The following TTLL10 variants were observed in gnomAD, a reference collection of about 807,000 sequenced individuals.
The protein encoded by TTLL10 is inactive polyglycylase TTLL10.
A neutral mutation model predicts 69.0 loss-of-function variants in TTLL10; 61 were observed. The ratio of observed to expected loss-of-function variants is 0.88; its 90% CI spans 0.72 to 1.09. TTLL10 has a LOEUF of 1.09. Ranked by LOEUF, TTLL10 falls within the 50% of genes least tolerant of loss-of-function variation. The pLI, the probability that TTLL10 is intolerant of heterozygous loss-of-function variation, is 0.00. For synonymous variants in TTLL10, 408 were observed against 393.3 expected (o/e 1.04, Z -0.44); for missense variants, 962 against 945.9 (o/e 1.02, Z -0.22).
intron 12 of TTLL10, among the ~76,000 whole-genome samples, chr1:1,184,559 G>A (rs1227324970): frequency 6.6e-6 from 1 of 152,216 alleles, no homozygotes; most frequent in Non-Finnish European, 1.5e-5. Context: ...GGTCTCAGCG[G>A]ATGAAGGTTT....
Position 1,197,471 on chromosome 1 carries a change from G to A in TTLL10, c.1646G>A (p.Arg549His), listed in dbSNP as rs1034573284. 49 of 1,544,912 alleles carry A rather than the reference G, an allele frequency of 3.2e-5. No individual in the cohort carries two copies. In the Middle Eastern group the frequency reaches 6.7e-4, roughly 21 times the overall value. ...LVLETFRKSL[R>H]GQKMLPLLSQ... ...CTCGAGACCTTCCGGAAGAGCCTGC[G>A]CGGCCAGAAGATGTTGCCTCTGCTG... is the stretch of plus-strand genomic sequence containing the variant. Residue 549 changes from arginine (R) to histidine (H), a missense_variant, in exon 16 of 16, where the codon CGC (arginine) becomes CAC (histidine). Transcript: ENST00000379289.
rs1164656919 is a variant in TTLL10 at position 1,181,857 on chromosome 1, T to G, written c.830+42T>G. On this transcript the variant is annotated intron_variant, in intron 9 of 15. Transcript: ENST00000379289. This position sits in a 1 kb window ranked among gnomAD's most constrained non-coding sequence, Gnocchi z 4.6. ...TGTGAGGGGCCCTTCAGACCGAAGT[T>G]CAGACCTAAACCTGGTGTCGTCTGA... The G allele has an allele frequency of 6.4e-7, 1 of 1,552,184 alleles. No individual in the cohort carries two copies. Among genetic ancestry groups the G allele is most frequent in the Non-Finnish European group, 8.8e-7 (1 of 1,140,256 alleles).
chr1:1,197,544 G>T lies in TTLL10; in HGVS notation c.1719G>T (p.Arg573=), dbSNP rs1278192208. The T allele has an allele frequency of 1.3e-6, 2 of 1,525,212 alleles. No homozygotes were observed. The highest frequency in any genetic ancestry group is 8.8e-7 in the Non-Finnish European group (1 of 1,140,478). The allele number at this position is 1,525,212 out of a possible 1,614,324, so 94.5% of individuals were successfully genotyped here. A position where few individuals can be genotyped will look rare whatever the true frequency, so the allele number is the denominator to read the frequency against. The stretch of plus-strand genomic sequence containing the variant: ...TGCACAACGGTGAGGCCGACCCGCG[G>T]CCGCACCTGGGGGGCTCGTGCAGCC... The part of the protein sequence containing the change: ...VLLHNGEADP[R]PHLGGSCSLR... Residue 573 remains arginine (R), a synonymous_variant, in exon 16 of 16, where the codon CGG becomes CGT. Transcript: ENST00000379289.
Position 1,197,476 on chromosome 1 carries a change from CAGA to C in TTLL10, c.1655_1657del (p.Lys552del), listed in dbSNP as rs1648312785. 2.6e-6 allele frequency: 4 copies of C among 1,546,038 alleles called. No individual in the cohort carries two copies. Among genetic ancestry groups the C allele is most frequent in the Non-Finnish European group, 3.5e-6 (4 of 1,145,918 alleles). ...GACCTTCCGGAAGAGCCTGCGCGGCCAGAAGATGTTGCCTCTGCTGTCCCAGCG... is the reference window on the plus strand; with the variant it reads ...GACCTTCCGGAAGAGCCTGCGCGGCCAGATGTTGCCTCTGCTGTCCCAGCG... On this transcript the variant is annotated inframe_deletion, in exon 16 of 16. Coordinates refer to ENST00000379289, the MANE Select transcript of TTLL10 (RefSeq NM_001130045.2).
chr1:1,184,450 G>A (rs1462949142), intron 12 of TTLL10, among the ~76,000 whole-genome samples: 1 of 152,246 alleles, frequency 6.6e-6, no homozygotes, highest in Non-Finnish European at 1.5e-5. Flanking sequence ...GTCAGAGGAG[G>A]GGCCCTGTGG....
At chr1:1,195,109 G>C (rs918519687) in intron 13 of TTLL10, among the ~76,000 whole-genome samples, 5 of 152,088 alleles carry the variant, frequency 3.3e-5, no homozygotes, top group Non-Finnish European at 7.4e-5. Flanking sequence ...CGGCCTACCA[G>C]CCTCCCAAGT....
At position 1,185,536 on chromosome 1, in the gene TTLL10, T is replaced by C. The variant is rs1372430392; in HGVS notation, c.1401+427T>C. ...CCGGACTCTCCCTAGCTAAGGGCCA[T>C]GTGCGGTGGAGTGTCCTAATTTTGC... On this transcript the variant is annotated intron_variant, in intron 13 of 15. Transcript: ENST00000379289. This position sits in a 1 kb window ranked among gnomAD's most constrained non-coding sequence, Gnocchi z 6.1. The C allele has an allele frequency of 7.9e-6, 8 of 1,014,660 alleles. No homozygotes were observed. The highest frequency in any genetic ancestry group is 8.2e-6 in the Non-Finnish European group (7 of 849,834). 62.9% of individuals were successfully genotyped at this position (1,014,660 alleles called of 1,614,324 possible). A position where few individuals can be genotyped will look rare whatever the true frequency, so the allele number is the denominator to read the frequency against.
At position 1,180,349 on chromosome 1, in the gene TTLL10, C is replaced by A. The variant is rs748051923; in HGVS notation, c.506+9C>A. On this transcript the variant is annotated intron_variant, in intron 6 of 15. Coordinates refer to ENST00000379289, the MANE Select transcript of TTLL10 (RefSeq NM_001130045.2). The stretch of plus-strand genomic sequence containing the variant: ...AGCAACGGGGCCACAATGTGAGTAG[C>A]GGCCCTGGGCGCCCGTGGTCCCACT... 2 of 1,552,926 alleles carry A rather than the reference C, an allele frequency of 1.3e-6. No homozygotes were observed. The highest frequency in any genetic ancestry group is 8.7e-7 in the Non-Finnish European group (1 of 1,148,610).
Position 1,183,143 on chromosome 1 carries a change from T to G in TTLL10, c.1088+96T>G. 4.2e-6 allele frequency: 6 copies of G among 1,418,442 alleles called. No homozygotes were observed. In the South Asian group the frequency reaches 8.6e-5, roughly 20 times the overall value. The allele number at this position is 1,418,442 out of a possible 1,614,324, so 87.9% of individuals were successfully genotyped here. On this transcript the variant is annotated intron_variant, in intron 11 of 15. Coordinates refer to ENST00000379289, the MANE Select transcript of TTLL10 (RefSeq NM_001130045.2). ...AGGGCCGCCGAGGAGCCCTTGGTCG[T>G]GGAAAGCAGCCGCACCACCAGCCCC...
chr1:1,185,634 G>C lies in TTLL10; in HGVS notation c.1401+525G>C. The C allele has an allele frequency of 2.0e-6, 2 of 985,804 alleles. No individual in the cohort carries two copies. Among genetic ancestry groups the C allele is most frequent in the Non-Finnish European group, 2.4e-6 (2 of 830,266 alleles). The allele number at this position is 985,804 out of a possible 1,614,324, so 61.1% of individuals were successfully genotyped here. A position where few individuals can be genotyped will look rare whatever the true frequency, so the allele number is the denominator to read the frequency against. ...AGCAGCAAAGGCCCTTGAGCAGCGCGGTGTGAAACTGGGATAAAAACGGGG... is the reference window on the plus strand; with the variant it reads ...AGCAGCAAAGGCCCTTGAGCAGCGCCGTGTGAAACTGGGATAAAAACGGGG... On this transcript the variant is annotated intron_variant, in intron 13 of 15. Transcript: ENST00000379289. The surrounding 1 kb of genome is among the most constrained non-coding windows in gnomAD (Gnocchi z 6.1).
chr1:1,181,909 A>C lies in TTLL10; in HGVS notation c.830+94A>C. 2.4e-6 allele frequency: 3 copies of C among 1,239,468 alleles called. No homozygotes were observed. The highest frequency in any genetic ancestry group is 3.4e-6 in the Non-Finnish European group (3 of 876,856). The allele number at this position is 1,239,468 out of a possible 1,614,324, so 76.8% of individuals were successfully genotyped here. ...AAGGAGAAAGCGGGGCGGGGGTCCC[A>C]CACAAAGGAAAACCACGAGCTAGAG... is the stretch of plus-strand genomic sequence containing the variant. On this transcript the variant is annotated intron_variant, in intron 9 of 15. Coordinates refer to ENST00000379289, the MANE Select transcript of TTLL10 (RefSeq NM_001130045.2). The surrounding 1 kb of genome is among the most constrained non-coding windows in gnomAD (Gnocchi z 4.6).
chr1:1,186,451 G>T (rs1303162735), intron 13 of TTLL10, among the ~76,000 whole-genome samples: 2 of 137,302 alleles, frequency 1.5e-5, no homozygotes, highest in East Asian at 8.6e-4. Flanking sequence ...TCAGCTGGTG[G>T]ACACAGTTTT....
Position 1,180,141 on chromosome 1 carries a change from G to A in TTLL10, c.307G>A (p.Gly103Arg), listed in dbSNP as rs539820878. 1.9e-6 allele frequency: 3 copies of A among 1,611,224 alleles called. No individual in the cohort carries two copies. Among genetic ancestry groups the A allele is most frequent in the Non-Finnish European group, 2.5e-6 (3 of 1,179,398 alleles). ...ADGHCGPDLE[G>R]AERASATPGP... ...TGGACACTGTGGGCCGGACCTGGAG[G>A]GGGCAGAAAGAGCCTCTGCCACACC... is the stretch of plus-strand genomic sequence containing the variant. Residue 103 changes from glycine to arginine, a missense_variant, in exon 6 of 16, where the codon GGG (glycine) becomes AGG (arginine). By Grantham distance (125) the Gly-to-Arg change is moderately radical. Coordinates refer to ENST00000379289, the MANE Select transcript of TTLL10 (RefSeq NM_001130045.2).
chr1:1,186,091 TC>T (rs143967762), intron 13 of TTLL10, among the ~76,000 whole-genome samples: 1 of 144,112 alleles, frequency 6.9e-6, no homozygotes, highest in South Asian at 2.3e-4. Flanking sequence ...CCTTTTCTTT[TC>T]TTTTTTTTTT....
At position 1,181,700 on chromosome 1, in the gene TTLL10, G is replaced by T. The variant is rs1220230248; in HGVS notation, c.756-41G>T. The stretch of plus-strand genomic sequence containing the variant: ...TCCCCACCCGCTCCAAGCACCATGA[G>T]CTGGCCCCTCAGTCCAGGCCCTCTG... On this transcript the variant is annotated intron_variant, in intron 8 of 15. Transcript: ENST00000379289. This position sits in a 1 kb window ranked among gnomAD's most constrained non-coding sequence, Gnocchi z 4.6. 1.9e-6 allele frequency: 3 copies of T among 1,552,338 alleles called. No individual in the cohort carries two copies. In the Admixed American group the frequency reaches 5.8e-5, roughly 30 times the overall value.
At chr1:1,194,457 C>G (rs936527832) in intron 13 of TTLL10, among the ~76,000 whole-genome samples, 12 of 152,138 alleles carry the variant, frequency 7.9e-5, no homozygotes, top group Non-Finnish European at 7.3e-5. Flanking sequence ...CTCTTTATTT[C>G]CTCCTGTGAG....
At chr1:1,179,519 A>C (rs1052188095) in intron 4 of TTLL10, 138 bp from the exon 5 acceptor site, 50 of 1,403,866 alleles carry the variant, frequency 3.6e-5, no homozygotes, top group Non-Finnish European at 3.3e-5. Context: ...CACAGAGGGG[A>C]GCTGTCGCGC....
chr1:1,182,377 G>C lies in TTLL10; in HGVS notation c.847G>C (p.Glu283Gln). The change falls in exon 10 of 16, where the codon GAG becomes CAG. Residue 283 changes from glutamate (E) to glutamine (Q), a missense_variant. Glu to Gln is a conservative substitution (Grantham distance 29). Transcript: ENST00000379289. ...GCCCTGCAGGGTCCTGAGAATGGAA[G>C]AGTTTTTCCCAGAGACCTACCGCCT... ...LRPQRVLRME[E>Q]FFPETYRLDL... The C allele has an allele frequency of 6.2e-7, 1 of 1,613,946 alleles. No individual in the cohort carries two copies. Among genetic ancestry groups the C allele is most frequent in the African/African-American group, 1.3e-5 (1 of 75,046 alleles).
At chr1:1,196,968 G>A in intron 14 of TTLL10, 125 bp from the exon 15 acceptor site, 1 of 972,502 alleles carries the variant, frequency 1.0e-6, no homozygotes, top group East Asian at 2.6e-5. Flanking sequence ...GGACAAACAG[G>A]GGAGCAAGGC....
Sources: allele counts gnomAD v4.1 joint callset (sites outside exome capture counted in the v4.1 genomes callset), GRCh38; gene constraint gnomAD v4.1.1; non-coding constraint Gnocchi (gnomAD v3.1); transcripts MANE v1.5; gene names NCBI Gene and HGNC (gene_info 2026-07-23, HGNC 2026-07-21).